SLC25A26: variants seen among roughly 807,000 people sequenced by gnomAD.
SLC25A26 encodes solute carrier family 25 member 26, also known as mitochondrial S-adenosylmethionine carrier protein.
Under a neutral mutation model 37.8 loss-of-function variants are expected in SLC25A26, and 36 were observed. The ratio of observed to expected loss-of-function variants is 0.95; its 90% CI spans 0.73 to 1.26. The LOEUF (loss-of-function observed/expected upper bound fraction) is 1.26, where lower values mean the gene tolerates loss of function less well. SLC25A26 is among the 50% of genes most tolerant of loss of function. The pLI, the probability that SLC25A26 is intolerant of heterozygous loss-of-function variation, is 0.00. For missense variants in SLC25A26, 390 were observed against 331.1 expected, an observed-to-expected ratio of 1.18 and a Z score of -1.38; for synonymous variants, 129 against 122.5, an observed-to-expected ratio of 1.05 and a Z score of -0.35.
intron 5 of SLC25A26, among the ~76,000 whole-genome samples, chr3:66,327,793 G>A (rs2075874973): frequency 1.3e-5 from 2 of 151,682 alleles, no homozygotes; most frequent in South Asian, 4.1e-4. Flanking sequence ...TCCTAAATTT[G>A]TAGTCCTGTG....
chr3:66,198,370 C>T (rs1309340010), intron 1 of SLC25A26, among the ~76,000 whole-genome samples: 3 of 152,136 alleles, frequency 2.0e-5, no homozygotes, highest in East Asian at 1.9e-4. Flanking sequence ...AGTTCATGAA[C>T]GGAGTGAATG....
chr3:66,245,159 C>G (rs1431392735), intron 3 of SLC25A26, among the ~76,000 whole-genome samples: 7 of 151,330 alleles, frequency 4.6e-5, no homozygotes, highest in Non-Finnish European at 8.8e-5. Flanking sequence ...CCTCCTGACT[C>G]AGCCTCCCAA....
intron 1 of SLC25A26, among the ~76,000 whole-genome samples, chr3:66,230,711 G>A (rs782343718): frequency 5.9e-5 from 9 of 151,370 alleles, no homozygotes; most frequent in Non-Finnish European, 7.4e-5. Context: ...AGGCTGAGGC[G>A]GGAGAATCAA....
intron 1 of SLC25A26, among the ~76,000 whole-genome samples, chr3:66,176,597 A>G (rs1294018504): frequency 6.6e-6 from 1 of 152,226 alleles, no homozygotes; most frequent in Non-Finnish European, 1.5e-5. Flanking sequence ...TGAGGGGAAA[A>G]AACGGTAGCC....
intron 1 of SLC25A26, among the ~76,000 whole-genome samples, chr3:66,215,216 T>G (rs2071342944): frequency 6.6e-6 from 1 of 152,226 alleles, no homozygotes; most frequent in African/African-American, 2.4e-5. Context: ...TATTTTTATT[T>G]TTTGAGACAG....
chr3:66,235,284 A>G lies in SLC25A26; in HGVS notation c.34-1260A>G, dbSNP rs375085703. Among the ~76,000 whole-genome samples the G allele has an allele frequency of 5.3e-5, 8 of 152,292 alleles. No individual in the cohort carries two copies. In the East Asian group the frequency reaches 1.2e-3, roughly 22 times the overall value. The stretch of plus-strand genomic sequence containing the variant: ...TGTAACGAGTTTAAAAATATTCTAC[A>G]TATTTGTCACTATAATCATGAGGTA... On this transcript the variant is annotated intron_variant, in intron 1 of 9. Coordinates refer to ENST00000354883, the MANE Select transcript of SLC25A26 (RefSeq NM_001379210.1).
At chr3:66,312,524 G>A (rs1048369548) in intron 5 of SLC25A26, among the ~76,000 whole-genome samples, 144 of 146,222 alleles carry the variant, frequency 9.8e-4, no homozygotes, top group South Asian at 1.1e-3. Context: ...AGGTGTCACT[G>A]GGTACGAAGA....
At chr3:66,250,456 G>A (rs554353211) in intron 3 of SLC25A26, among the ~76,000 whole-genome samples, 1 of 152,360 alleles carries the variant, frequency 6.6e-6, no homozygotes, top group East Asian at 1.9e-4. Context: ...GATGCATTCA[G>A]TAGAAACTGT....
intron 6 of SLC25A26, among the ~76,000 whole-genome samples, chr3:66,355,378 C>T (rs1473804938): frequency 6.6e-6 from 1 of 152,146 alleles, no homozygotes; most frequent in Admixed American, 6.5e-5. Flanking sequence ...GCTGCTTGCA[C>T]ATCCCAGAAC....
chr3:66,139,290 C>T (rs2069997717), intron 1 of SLC25A26, among the ~76,000 whole-genome samples: 1 of 152,174 alleles, frequency 6.6e-6, no homozygotes, highest in Non-Finnish European at 1.5e-5. Context: ...TTCTCTAATT[C>T]TGCAGCCTCT....
At chr3:66,358,589 C>G (rs1398493321) in intron 6 of SLC25A26, among the ~76,000 whole-genome samples, 1 of 152,178 alleles carries the variant, frequency 6.6e-6, no homozygotes, top group Non-Finnish European at 1.5e-5. Context: ...CAGAGTGTCC[C>G]ATCCAGATCC....
intron 1 of SLC25A26, among the ~76,000 whole-genome samples, chr3:66,178,191 A>G (rs1020996952): frequency 9.9e-5 from 15 of 152,176 alleles, no homozygotes; most frequent in African/African-American, 3.6e-4. Context: ...CAATGGTCCT[A>G]GCTGGAGGCC....
chr3:66,293,100 C>T (rs1450151438), intron 5 of SLC25A26: 4 of 151,888 alleles, frequency 2.6e-5, no homozygotes, highest in African/African-American at 7.3e-5. Flanking sequence ...CTTGTGTATA[C>T]TTTATGAAGT....
chr3:66,144,401 C>T (rs930374711), intron 1 of SLC25A26, among the ~76,000 whole-genome samples: 4 of 152,124 alleles, frequency 2.6e-5, no homozygotes, highest in Admixed American at 6.5e-5. Context: ...ACTCTAGACC[C>T]GTGGTTGTCA....
intron 5 of SLC25A26, among the ~76,000 whole-genome samples, chr3:66,345,122 T>A (rs1164239822): frequency 6.6e-6 from 1 of 152,148 alleles, no homozygotes; most frequent in African/African-American, 2.4e-5. Flanking sequence ...TACCTAACTC[T>A]AAGTGTGGTG....
At chr3:66,195,578 C>T (rs898188837) in intron 1 of SLC25A26, among the ~76,000 whole-genome samples, 17 of 152,336 alleles carry the variant, frequency 1.1e-4, no homozygotes, top group Admixed American at 2.0e-4. Flanking sequence ...CCGGGCAGGC[C>T]CTCGGGCTAG....
intron 3 of SLC25A26, among the ~76,000 whole-genome samples, chr3:66,252,429 A>T (rs6802173): frequency 0.089 from 13,491 of 152,286 alleles, 829 homozygotes; most frequent in African/African-American, 0.18. Flanking sequence ...GGAGGTAGCA[A>T]GGTATGGACC....
Position 66,236,682 on chromosome 3 carries a change from A to T in SLC25A26, c.172A>T (p.Ile58Phe). The part of the protein sequence containing the change: ...GIYAGVPSAA[I>F]GSFPNAAAFF... ...ATATGCTGGCGTTCCTTCTGCTGCT[A>T]TTGGATCCTTTCCTAATGGTAAAAA... Residue 58 changes from isoleucine to phenylalanine, a missense_variant, in exon 2 of 10, where the codon ATT becomes TTT. Coordinates refer to ENST00000354883, the MANE Select transcript of SLC25A26 (RefSeq NM_001379210.1). 1 of 1,521,216 alleles carries T rather than the reference A, an allele frequency of 6.6e-7. No homozygotes were observed. Among genetic ancestry groups the T allele is most frequent in the South Asian group, 1.2e-5 (1 of 82,284 alleles). The allele number at this position is 1,521,216 out of a possible 1,614,324, so 94.2% of individuals were successfully genotyped here.
intron 5 of SLC25A26, among the ~76,000 whole-genome samples, chr3:66,309,358 A>G (rs138429805): frequency 2.0e-5 from 3 of 152,166 alleles, no homozygotes; most frequent in African/African-American, 7.2e-5. Flanking sequence ...TAGTGGTGAT[A>G]TCCACTTTAT....
Sources: allele counts gnomAD v4.1 joint callset (sites outside exome capture counted in the v4.1 genomes callset), GRCh38; gene constraint gnomAD v4.1.1; transcripts MANE v1.5; gene names NCBI Gene and HGNC (gene_info 2026-07-23, HGNC 2026-07-21).